The following DESI2 variants were observed in gnomAD, a reference collection of about 807,000 sequenced individuals.
DESI2 encodes the protein deubiquitinase DESI2.
DESI2 carries 10 observed loss-of-function variants against 24.1 expected under a neutral mutation model. That is an observed-to-expected ratio of 0.41 (90% CI 0.26 to 0.70). The LOEUF (loss-of-function observed/expected upper bound fraction) is 0.70, where lower values mean the gene tolerates loss of function less well. DESI2 is among the 30% of genes least tolerant of loss of function. The pLI, the probability that DESI2 is intolerant of heterozygous loss-of-function variation, is 0.29. For missense variants in DESI2, 122 were observed against 234.9 expected, an observed-to-expected ratio of 0.52 and a Z score of 3.14; for synonymous variants, 71 against 87.7, an observed-to-expected ratio of 0.81 and a Z score of 1.06.
Position 244,706,484 on chromosome 1 carries a change from C to T in DESI2, c.*695C>T, listed in dbSNP as rs956085673. On this transcript the variant is annotated 3_prime_UTR_variant, in exon 5 of 5. Coordinates refer to ENST00000302550, the MANE Select transcript of DESI2 (RefSeq NM_016076.5). ...GGCGGGGTGGTATGTTCTTACGTCT[C>T]TCTGACTTTGATGCCACTCATTCTA... 1 of 152,670 alleles carries T rather than the reference C, an allele frequency of 6.6e-6. No homozygotes were observed. Among genetic ancestry groups the T allele is most frequent in the African/African-American group, 2.4e-5 (1 of 41,452 alleles). 9.5% of individuals were successfully genotyped at this position (152,670 alleles called of 1,614,324 possible). A position where few individuals can be genotyped will look rare whatever the true frequency, so the allele number is the denominator to read the frequency against.
At chr1:244,679,868 CAAAAAAAAAAAAAAA>C (rs10543739) in intron 1 of DESI2, among the ~76,000 whole-genome samples, 7 of 80,632 alleles carry the variant, frequency 8.7e-5, no homozygotes, top group Non-Finnish European at 1.7e-4. Flanking sequence ...GACTCTATCT[CAAAAAAAAAAAAAAA>C]AAAAAAAAAA....
Position 244,653,192 on chromosome 1 carries a change from G to T in DESI2, c.-122G>T. ...CGATGCTTCCGCCCCGGCTGCCGCG[G>T]GCCGGGCTGTACGCTTAGTGCCCGG... is the stretch of plus-strand genomic sequence containing the variant. On this transcript the variant is annotated 5_prime_UTR_variant, in exon 1 of 5. Transcript: ENST00000302550. 2.0e-6 allele frequency: 2 copies of T among 1,024,122 alleles called. No homozygotes were observed. Among genetic ancestry groups the T allele is most frequent in the Non-Finnish European group, 2.6e-6 (2 of 765,572 alleles). 63.4% of individuals were successfully genotyped at this position (1,024,122 alleles called of 1,614,324 possible). A position where few individuals can be genotyped will look rare whatever the true frequency, so the allele number is the denominator to read the frequency against.
intron 1 of DESI2, among the ~76,000 whole-genome samples, chr1:244,659,255 A>G (rs894086784): frequency 6.6e-6 from 1 of 152,152 alleles, no homozygotes; most frequent in Non-Finnish European, 1.5e-5. Context: ...ACATATGTAC[A>G]TTTGTTTTCT....
intron 1 of DESI2, among the ~76,000 whole-genome samples, chr1:244,658,378 T>A (rs1675720875): frequency 6.6e-6 from 1 of 152,206 alleles, no homozygotes. Flanking sequence ...TCCTTCTGTC[T>A]GGAGTGGCAT....
intron 2 of DESI2, among the ~76,000 whole-genome samples, chr1:244,686,983 A>G (rs942572709): frequency 6.6e-6 from 1 of 152,068 alleles, no homozygotes. Flanking sequence ...TTTTGTTCTC[A>G]TATATATTGG....
At chr1:244,691,151 C>T (rs932991839) in intron 3 of DESI2, among the ~76,000 whole-genome samples, 1 of 152,102 alleles carries the variant, frequency 6.6e-6, no homozygotes, top group Non-Finnish European at 1.5e-5. Context: ...TACAGTGGTA[C>T]GATCTCGGCT....
rs1447579396 is a variant in DESI2, at chr1:244,686,573, ATCTTT to A, written c.43-18_43-14del. 2.0e-6 allele frequency: 3 copies of A among 1,509,756 alleles called. No individual in the cohort carries two copies. Among genetic ancestry groups the A allele is most frequent in the African/African-American group, 1.4e-5 (1 of 72,852 alleles). The allele number at this position is 1,509,756 out of a possible 1,614,324, so 93.5% of individuals were successfully genotyped here. ...GGTTGTAAATGAACAGGTATTCTGA[ATCTTT>A]TCTTTCTTTTTTTCTCAGTATTGGA... On this transcript the variant is annotated intron_variant, in intron 1 of 4. Coordinates refer to ENST00000302550, the MANE Select transcript of DESI2 (RefSeq NM_016076.5).
chr1:244,691,030 A>C (rs1677006994), intron 3 of DESI2, among the ~76,000 whole-genome samples: 1 of 152,240 alleles, frequency 6.6e-6, no homozygotes, highest in African/African-American at 2.4e-5. Context: ...TCTGACTAAA[A>C]TTCCACTTTC....
At chr1:244,695,106 C>T (rs1264114342) in intron 4 of DESI2, among the ~76,000 whole-genome samples, 1 of 152,220 alleles carries the variant, frequency 6.6e-6, no homozygotes, top group Non-Finnish European at 1.5e-5. Context: ...GTTGGCCCCA[C>T]CGGCAGGCCA....
intron 3 of DESI2, among the ~76,000 whole-genome samples, chr1:244,691,087 T>G (rs1677010167): frequency 6.6e-6 from 1 of 152,238 alleles, no homozygotes; most frequent in Admixed American, 6.5e-5. Flanking sequence ...TTTGGAGTCC[T>G]TTTAATTTTT....
intron 2 of DESI2, among the ~76,000 whole-genome samples, chr1:244,688,158 G>C (rs1411923886): frequency 3.9e-5 from 6 of 152,066 alleles, no homozygotes; most frequent in African/African-American, 1.4e-4. Context: ...ATTTAGTAAA[G>C]CTAGAATCAA....
intron 1 of DESI2, among the ~76,000 whole-genome samples, chr1:244,676,715 T>C (rs1276632324): frequency 6.7e-6 from 1 of 150,348 alleles, no homozygotes; most frequent in African/African-American, 2.4e-5. Context: ...CTTTATCAGC[T>C]TAGGGAAATT....
chr1:244,683,510 A>G (rs1423973681), intron 1 of DESI2, among the ~76,000 whole-genome samples: 1 of 151,946 alleles, frequency 6.6e-6, no homozygotes, highest in Non-Finnish European at 1.5e-5. Context: ...ACAGGGTTTC[A>G]CCATGTTAGC....
rs148108356 is a variant in DESI2 at position 244,662,933 on chromosome 1, T to G, written c.42+9578T>G. On this transcript the variant is annotated intron_variant, in intron 1 of 4. Transcript: ENST00000302550. ...GATTTAAGTTCTCAGGTAGATTCAG[T>G]AGGATCATTGAAAATAGAACAAGCA... Among the ~76,000 whole-genome samples the G allele has an allele frequency of 6.6e-5, 10 of 152,172 alleles. No individual in the cohort carries two copies. The East Asian group carries it at 1.7e-3, about 26-fold the overall frequency.
intron 3 of DESI2, among the ~76,000 whole-genome samples, chr1:244,690,919 C>T (rs1174191629): frequency 6.6e-6 from 1 of 152,192 alleles, no homozygotes; most frequent in African/African-American, 2.4e-5. Flanking sequence ...CACGTAAGTG[C>T]TATGATACCA....
intron 1 of DESI2, among the ~76,000 whole-genome samples, chr1:244,667,790 A>G (rs1676097698): frequency 6.6e-6 from 1 of 152,208 alleles, no homozygotes; most frequent in Non-Finnish European, 1.5e-5. Context: ...CTGTCACCTG[A>G]CAGGCTAGGG....
Position 244,701,207 on chromosome 1 carries a change from TCCCCTCCA to T in DESI2, c.352-4344_352-4337del, listed in dbSNP as rs1356077166. ...AGCCAAGGGCATGACTGGACCACCT[TCCCCTCCA>T]CCCCCCCCCCCCCCCCCCCGCCCTT... is the stretch of plus-strand genomic sequence containing the variant. On this transcript the variant is annotated intron_variant, in intron 4 of 4. Transcript: ENST00000302550. Among the ~76,000 whole-genome samples, 38 of 39,630 alleles carry T rather than the reference TCCCCTCCA, an allele frequency of 9.6e-4. 1 individual carries two copies. The highest frequency in any genetic ancestry group is 1.1e-3 in the Non-Finnish European group (29 of 27,116). 26.0% of individuals were successfully genotyped at this position (39,630 alleles called of 152,430 possible). A position where few individuals can be genotyped will look rare whatever the true frequency, so the allele number is the denominator to read the frequency against.
chr1:244,667,039 G>A (rs567513063), intron 1 of DESI2, among the ~76,000 whole-genome samples: 4 of 152,088 alleles, frequency 2.6e-5, no homozygotes, highest in Non-Finnish European at 5.9e-5. Context: ...GGAATTCTGG[G>A]AGATACAATA....
intron 4 of DESI2, among the ~76,000 whole-genome samples, chr1:244,704,610 T>C (rs1677617446): frequency 6.6e-6 from 1 of 152,172 alleles, no homozygotes; most frequent in African/African-American, 2.4e-5. Flanking sequence ...TGTCTGACTC[T>C]AGGCCTACTT....
Sources: gnomAD v4.1 joint callset for allele counts (sites outside exome capture counted in the v4.1 genomes callset) on GRCh38, gnomAD v4.1.1 for gene constraint, MANE v1.5 for transcripts, NCBI Gene and HGNC (gene_info 2026-07-23, HGNC 2026-07-21) for gene names.